The following PLA2G4A variants were observed in gnomAD, a reference collection of about 807,000 sequenced individuals.
PLA2G4A encodes the protein cytosolic phospholipase A2.
In PLA2G4A, 40 loss-of-function variants were observed where a neutral mutation model predicts 81.9. That is an observed-to-expected ratio of 0.49 (90% confidence interval 0.38 to 0.64). The LOEUF is 0.64. Among genes scored for constraint, PLA2G4A ranks in the 30% least tolerant of loss-of-function variants. PLA2G4A has a pLI of 0.00. For missense variants in PLA2G4A, 715 were observed against 905.1 expected (o/e 0.79, Z 2.69); for synonymous variants, 302 against 296.9 (o/e 1.02, Z -0.18).
intron 17 of PLA2G4A, among the ~76,000 whole-genome samples, chr1:186,987,535 G>A (rs762339047): frequency 6.6e-6 from 1 of 152,236 alleles, no homozygotes; most frequent in Non-Finnish European, 1.5e-5. Flanking sequence ...GGGAAATGGA[G>A]TCTTCCTGAT....
chr1:186,863,807 C>A (rs2102046226), intron 2 of PLA2G4A, among the ~76,000 whole-genome samples: 1 of 150,338 alleles, frequency 6.7e-6, no homozygotes, highest in African/African-American at 2.5e-5. Flanking sequence ...TTTGCCCAGA[C>A]TGGAGGGCAG....
intron 16 of PLA2G4A, 116 bp from the exon 17 acceptor site, chr1:186,979,199 C>T (rs1235054773): frequency 2.6e-6 from 2 of 765,110 alleles, no homozygotes; most frequent in African/African-American, 1.7e-5. Context: ...TACAGAGTAC[C>T]TGGCTCTGTG....
intron 3 of PLA2G4A, among the ~76,000 whole-genome samples, chr1:186,872,397 C>T (rs1653309415): frequency 6.6e-6 from 1 of 152,070 alleles, no homozygotes; most frequent in Non-Finnish European, 1.5e-5. Context: ...GTTGGAAAAG[C>T]CATTCTTAAT....
At chr1:186,892,802 C>T (rs527326758) in intron 3 of PLA2G4A, among the ~76,000 whole-genome samples, 43 of 152,316 alleles carry the variant, frequency 2.8e-4, no homozygotes, top group Non-Finnish European at 4.9e-4. Context: ...ACAATTCCCT[C>T]TCACAGGACT....
chr1:186,857,562 T>C (rs932453061), intron 2 of PLA2G4A, among the ~76,000 whole-genome samples: 3 of 143,410 alleles, frequency 2.1e-5, no homozygotes, highest in Admixed American at 7.3e-5. Flanking sequence ...ATATAAATTA[T>C]AATATTAATA....
intron 14 of PLA2G4A, among the ~76,000 whole-genome samples, chr1:186,959,892 C>T (rs1394396060): frequency 1.4e-5 from 2 of 147,492 alleles, no homozygotes; most frequent in Admixed American, 7.0e-5. Flanking sequence ...ATTTTGCAAC[C>T]CCCATGCCAA....
intron 1 of PLA2G4A, among the ~76,000 whole-genome samples, chr1:186,849,246 C>T (rs1369242535): frequency 2.0e-5 from 3 of 151,976 alleles, no homozygotes; most frequent in Non-Finnish European, 4.4e-5. Context: ...CCATTGTATT[C>T]GGCACTAGGG....
intron 17 of PLA2G4A, among the ~76,000 whole-genome samples, chr1:186,986,981 G>A (rs1341799958): frequency 1.3e-5 from 2 of 152,162 alleles, no homozygotes; most frequent in African/African-American, 4.8e-5. Context: ...CCCATTTCCC[G>A]AGAAGATAAT....
intron 5 of PLA2G4A, among the ~76,000 whole-genome samples, chr1:186,905,941 G>T (rs1654721484): frequency 2.0e-5 from 3 of 152,130 alleles, no homozygotes; most frequent in Non-Finnish European, 2.9e-5. Flanking sequence ...CCTCCTTCTA[G>T]TCTGTGTTTT....
At chr1:186,870,892 T>C in intron 3 of PLA2G4A, 5 of 485,188 alleles carry the variant, frequency 1.0e-5, no homozygotes, top group South Asian at 7.5e-5. Flanking sequence ...TTTCGAACAG[T>C]TCTCTGATGC....
chr1:186,895,072 A>T (rs1160604123), intron 5 of PLA2G4A, among the ~76,000 whole-genome samples: 2 of 152,208 alleles, frequency 1.3e-5, no homozygotes, highest in Non-Finnish European at 2.9e-5. Flanking sequence ...TTACTGTCCC[A>T]AATGAGTCTT....
At chr1:186,830,953 G>GCTTTCTTTCTTT (rs1491301817) in intron 1 of PLA2G4A, among the ~76,000 whole-genome samples, 6 of 47,278 alleles carry the variant, frequency 1.3e-4, no homozygotes, top group Non-Finnish European at 1.7e-4. Flanking sequence ...TTGCTTGCTT[G>GCTTTCTTTCTTT]CTTGCTTTCT....
chr1:186,949,335 GAAGA>G (rs71772040), intron 12 of PLA2G4A, among the ~76,000 whole-genome samples: 47,498 of 124,690 alleles, frequency 0.38, 9,638 homozygotes, highest in Non-Finnish European at 0.48. Flanking sequence ...AGGAAGGAAA[GAAGA>G]AAGAAAGAGA....
At chr1:186,878,355 T>C (rs950614937) in intron 3 of PLA2G4A, among the ~76,000 whole-genome samples, 1 of 147,010 alleles carries the variant, frequency 6.8e-6, no homozygotes, top group African/African-American at 2.5e-5. Flanking sequence ...TATATATATA[T>C]AAATATATCT....
At chr1:186,963,104 AT>A (rs1302068286) in intron 14 of PLA2G4A, among the ~76,000 whole-genome samples, 7 of 152,330 alleles carry the variant, frequency 4.6e-5, no homozygotes, top group African/African-American at 1.4e-4. Context: ...AATCTTATAT[AT>A]GAAATTTCTG....
intron 1 of PLA2G4A, among the ~76,000 whole-genome samples, chr1:186,837,216 G>T (rs1023879110): frequency 2.6e-5 from 4 of 152,156 alleles, no homozygotes; most frequent in Middle Eastern, 3.2e-3. Flanking sequence ...AGGTTCAATG[G>T]AGTGGTGGGA....
At chr1:186,879,141 A>C (rs1318788669) in intron 3 of PLA2G4A, among the ~76,000 whole-genome samples, 1 of 151,922 alleles carries the variant, frequency 6.6e-6, no homozygotes, top group Non-Finnish European at 1.5e-5. Flanking sequence ...CCTTGGATGC[A>C]CTTTTTCATT....
intron 14 of PLA2G4A, among the ~76,000 whole-genome samples, chr1:186,957,061 A>G (rs1185186482): frequency 6.6e-6 from 1 of 151,924 alleles, no homozygotes; most frequent in Non-Finnish European, 1.5e-5. Context: ...CTGAAGCACA[A>G]TAATCGCTTG....
At chr1:186,973,802 ATAAT>A (rs1232822771) in intron 15 of PLA2G4A, among the ~76,000 whole-genome samples, 1 of 152,344 alleles carries the variant, frequency 6.6e-6, no homozygotes, top group Non-Finnish European at 1.5e-5. Flanking sequence ...TAACTGTAAA[ATAAT>A]TAATTCTAAC....
Sources: gnomAD v4.1 joint callset for allele counts (sites outside exome capture counted in the v4.1 genomes callset) on GRCh38, gnomAD v4.1.1 for gene constraint, MANE v1.5 for transcripts, NCBI Gene and HGNC (gene_info 2026-07-23, HGNC 2026-07-21) for gene names.